The following OR10H3 variants were observed in gnomAD, a reference collection of about 807,000 sequenced individuals.
The protein encoded by OR10H3 is olfactory receptor 10H3.
OR10H3 carries 15 observed loss-of-function variants against 11.1 expected under a neutral mutation model. The observed-to-expected ratio is 1.36, with a 90% CI of 0.91 to 2.09. The LOEUF (loss-of-function observed/expected upper bound fraction) is 2.09, where lower values mean the gene tolerates loss of function less well. Among genes scored for constraint, OR10H3 ranks in the 30% most tolerant of loss-of-function variants. The pLI, the probability that OR10H3 is intolerant of heterozygous loss-of-function variation, is 0.00. For missense variants in OR10H3, 403 were observed against 391.5 expected (o/e 1.03, Z -0.25); for synonymous variants, 149 against 142.1 (o/e 1.05, Z -0.35).
In OR10H3 at chr19:15,741,822, C is replaced by T; in HGVS notation, c.430C>T (p.His144Tyr). 1 of 1,614,216 alleles carries T rather than the reference C, an allele frequency of 6.2e-7. No homozygotes were observed. Among genetic ancestry groups the T allele is most frequent in the Non-Finnish European group, 8.5e-7 (1 of 1,180,040 alleles). Residue 144 changes from histidine (H) to tyrosine (Y), a missense_variant, in exon 2 of 2, where the codon CAT becomes TAT. Coordinates refer to ENST00000641646, the MANE Select transcript of OR10H3 (RefSeq NM_013938.2). ...GCTAATGAGTCCCCGTGGCTGTGCC[C>T]ATCTTGTGGCCTGGACCTGGGCTGG... The part of the protein sequence containing the change: ...NMLMSPRGCA[H>Y]LVAWTWAGGS...
Position 15,741,417 on chromosome 19 carries a change from A to G in OR10H3, c.25A>G (p.Ile9Val), listed in dbSNP as rs1241746303. 3 of 1,613,420 alleles carry G rather than the reference A, an allele frequency of 1.9e-6. No individual in the cohort carries two copies. Among genetic ancestry groups the G allele is most frequent in the Non-Finnish European group, 2.5e-6 (3 of 1,179,496 alleles). Residue 9 changes from isoleucine (I) to valine (V), a missense_variant, in exon 2 of 2, where the codon ATA becomes GTA. Transcript: ENST00000641646. MPGQNYRT[I>V]SEFILSGFSA... ...CATGCCTGGTCAGAACTACAGAACC[A>G]TATCTGAATTTATCCTCTCTGGCTT... is the stretch of plus-strand genomic sequence containing the variant.
At chr19:15,740,983 G>C (rs1310148448) in intron 1 of OR10H3, among the ~76,000 whole-genome samples, 1 of 152,166 alleles carries the variant, frequency 6.6e-6, no homozygotes, top group Non-Finnish European at 1.5e-5. Flanking sequence ...GCAATTAAAA[G>C]ACAAAGACTC....
chr19:15,741,235 A>C (rs868310087), intron 1 of OR10H3, 147 bp from the exon 2 acceptor site: 1 of 585,920 alleles, frequency 1.7e-6, no homozygotes, highest in Non-Finnish European at 3.0e-6. Flanking sequence ...AACTATTATT[A>C]TTTACTCCAT....
In OR10H3 at chr19:15,742,132, T is replaced by G. The variant is rs1167209516; in HGVS notation, c.740T>G (p.Leu247Arg). 31 of 1,614,026 alleles carry G rather than the reference T, an allele frequency of 1.9e-5. No homozygotes were observed. The highest frequency in any genetic ancestry group is 5.0e-5 in the Admixed American group (3 of 60,000). ...HKTFSTCVSH[L>R]TVVVMHYSFA... Reference sequence around the variant, plus strand: ...ACTTTCTCCACTTGTGTATCCCACCTCACTGTGGTGGTCATGCACTATAGT... The same window carrying G: ...ACTTTCTCCACTTGTGTATCCCACCGCACTGTGGTGGTCATGCACTATAGT... The change falls in exon 2 of 2, where the codon CTC (leucine) becomes CGC (arginine). Residue 247 changes from leucine (L) to arginine (R), a missense_variant. By Grantham distance (102) the Leu-to-Arg change is moderately radical. Transcript: ENST00000641646.
rs761225294 is a variant in OR10H3 at position 15,742,034 on chromosome 19, C to A, written c.642C>A (p.Phe214Leu). 6.2e-7 allele frequency: 1 copy of A among 1,614,118 alleles called. No individual in the cohort carries two copies. The highest frequency in any genetic ancestry group is 8.5e-7 in the Non-Finnish European group (1 of 1,180,030). The change falls in exon 2 of 2, where the codon TTC becomes TTA. Residue 214 changes from phenylalanine to leucine, a missense_variant. Phe to Leu is a conservative substitution (Grantham distance 22). Transcript: ENST00000641646. ...TCACAGCCCTGATAGGCTGTTTGTT[C>A]CTCATCATCCTCTCCTTTGTCTTCA... ...VCVTALIGCLFLIILSFVFIV... is the reference protein window; with the variant it reads ...VCVTALIGCLLLIILSFVFIV...
rs763626340 is a variant in OR10H3, at chr19:15,741,663, C to T, written c.271C>T (p.Arg91Cys). Reference protein sequence around the residue: ...RMLADLLFTHRSITFVACAIQ... With the variant: ...RMLADLLFTHCSITFVACAIQ... ...GCTGGCTGATCTGCTCTTCACCCAT[C>T]GTTCCATCACCTTTGTGGCTTGTGC... Residue 91 changes from arginine (R) to cysteine (C), a missense_variant, in exon 2 of 2, where the codon CGT becomes TGT. By Grantham distance (180) the Arg-to-Cys change is radical. Transcript: ENST00000641646. The T allele has an allele frequency of 1.4e-5, 22 of 1,614,234 alleles. No homozygotes were observed. The highest frequency in any genetic ancestry group is 4.0e-5 in the African/African-American group (3 of 75,068).
At chr19:15,741,331 A>T in intron 1 of OR10H3, 51 bp from the exon 2 acceptor site, 1 of 1,205,170 alleles carries the variant, frequency 8.3e-7, no homozygotes, top group Non-Finnish European at 1.2e-6. Flanking sequence ...GGTCTGTGCT[A>T]GAGTCTAAGT....
Position 15,741,384 on chromosome 19 carries a change from A to C in OR10H3, c.-9A>C. On this transcript the variant is annotated splice_region_variant and 5_prime_UTR_variant, in exon 2 of 2. Transcript: ENST00000641646. ...AATTTTGTTTCTGATCTCACCAGAT[A>C]CAGTATCCATGCCTGGTCAGAACTA... The C allele has an allele frequency of 6.3e-7, 1 of 1,587,814 alleles. No homozygotes were observed.
chr19:15,738,898 T>G (rs2008668525), intron 1 of OR10H3, among the ~76,000 whole-genome samples: 1 of 152,102 alleles, frequency 6.6e-6, no homozygotes, highest in South Asian at 2.1e-4. Context: ...TTTATCTTAT[T>G]AATTTTTTCC....
rs1255548421 is a variant in OR10H3, at chr19:15,742,188, G to C, written c.796G>C (p.Gly266Arg). The part of the protein sequence containing the change: ...FASLIYLKPK[G>R]LHSMYSDALM... The stretch of plus-strand genomic sequence containing the variant: ...CTCCCTTATCTACCTCAAACCCAAG[G>C]GCCTCCATTCTATGTACAGTGATGC... Residue 266 changes from glycine (G) to arginine (R), a missense_variant, in exon 2 of 2, where the codon GGC (glycine) becomes CGC (arginine). By Grantham distance (125) the Gly-to-Arg change is moderately radical. Transcript: ENST00000641646. 6.2e-7 allele frequency: 1 copy of C among 1,613,902 alleles called. No individual in the cohort carries two copies. Among genetic ancestry groups the C allele is most frequent in the Admixed American group, 1.7e-5 (1 of 60,002 alleles).
At position 15,742,210 on chromosome 19, in the gene OR10H3, A is replaced by T. The variant is rs770975801; in HGVS notation, c.818A>T (p.Asp273Val). 1 of 1,614,074 alleles carries T rather than the reference A, an allele frequency of 6.2e-7. No homozygotes were observed. The highest frequency in any genetic ancestry group is 1.1e-5 in the South Asian group (1 of 91,068). The change falls in exon 2 of 2, where the codon GAT becomes GTT. Residue 273 changes from aspartate to valine, a missense_variant. Coordinates refer to ENST00000641646, the MANE Select transcript of OR10H3 (RefSeq NM_013938.2). ...KPKGLHSMYS[D>V]ALMATTYTVF... ...AAGGGCCTCCATTCTATGTACAGTG[A>T]TGCCTTGATGGCCACCACCTATACT...
chr19:15,742,285 A>T lies in OR10H3; in HGVS notation c.893A>T (p.Glu298Val), dbSNP rs768954980. The T allele has an allele frequency of 2.5e-6, 4 of 1,613,980 alleles. No individual in the cohort carries two copies. The Admixed American group carries it at 6.7e-5, about 27-fold the overall frequency. ...SPIIFSLRNK[E>V]LKNAINKNFC... ...ATCATTTTCAGTCTAAGGAACAAGGAGCTGAAGAATGCCATAAATAAAAAC... is the reference window on the plus strand; with the variant it reads ...ATCATTTTCAGTCTAAGGAACAAGGTGCTGAAGAATGCCATAAATAAAAAC... The change falls in exon 2 of 2, where the codon GAG becomes GTG. Residue 298 changes from glutamate to valine, a missense_variant. Physicochemically the swap from Glu to Val is moderately radical, Grantham distance 121. Transcript: ENST00000641646.
At chr19:15,738,509 TGAG>T (rs1464995147) in intron 1 of OR10H3, among the ~76,000 whole-genome samples, 1 of 152,124 alleles carries the variant, frequency 6.6e-6, no homozygotes, top group Non-Finnish European at 1.5e-5. Flanking sequence ...TGCATTAACT[TGAG>T]GAGATGTGTT....
chr19:15,738,195 T>G (rs1454708206), intron 1 of OR10H3, 144 bp downstream of exon 1: 1 of 152,130 alleles, frequency 6.6e-6, no homozygotes, highest in Non-Finnish European at 1.5e-5. Context: ...GTGTTTTTTT[T>G]TAAATCATAA....
chr19:15,742,152 T>A lies in OR10H3; in HGVS notation c.760T>A (p.Tyr254Asn). The A allele has an allele frequency of 1.2e-6, 2 of 1,614,204 alleles. No homozygotes were observed. The highest frequency in any genetic ancestry group is 1.7e-6 in the Non-Finnish European group (2 of 1,180,034). Residue 254 changes from tyrosine (Y) to asparagine (N), a missense_variant, in exon 2 of 2, where the codon TAT (tyrosine) becomes AAT (asparagine). Physicochemically the swap from Tyr to Asn is moderately radical, Grantham distance 143. Transcript: ENST00000641646. ...VSHLTVVVMHYSFASLIYLKP... is the reference protein window; with the variant it reads ...VSHLTVVVMHNSFASLIYLKP... ...CCACCTCACTGTGGTGGTCATGCAC[T>A]ATAGTTTTGCCTCCCTTATCTACCT...
In OR10H3 at chr19:15,741,932, T is replaced by A; in HGVS notation, c.540T>A (p.Cys180Ter). The change falls in exon 2 of 2, where the codon TGT becomes TGA. Residue 180 changes from cysteine to a stop codon, truncating the protein, a stop_gained. Transcript: ENST00000641646. LOFTEE classifies it high-confidence loss of function. Reference sequence around the variant, plus strand: ...CTAATGTGATCCACCATTTTCTCTGTCATGTGCTTTCCCTCTTGAAGTTGG... The same window carrying A: ...CTAATGTGATCCACCATTTTCTCTGACATGTGCTTTCCCTCTTGAAGTTGG... Reference protein sequence around the residue: ...CGSNVIHHFLCHVLSLLKLAC... With the variant: ...CGSNVIHHFL The A allele has an allele frequency of 6.2e-7, 1 of 1,614,200 alleles. No individual in the cohort carries two copies. The highest frequency in any genetic ancestry group is 8.5e-7 in the Non-Finnish European group (1 of 1,180,038).
chr19:15,740,499 C>T (rs923007108), intron 1 of OR10H3, among the ~76,000 whole-genome samples: 2 of 152,168 alleles, frequency 1.3e-5, no homozygotes, highest in Non-Finnish European at 2.9e-5. Context: ...AATTATCCAC[C>T]TTCTGGATTT....
chr19:15,741,737 T>C lies in OR10H3; in HGVS notation c.345T>C (p.Leu115=). Residue 115 remains leucine, a synonymous_variant, in exon 2 of 2, where the codon CTT becomes CTC. Coordinates refer to ENST00000641646, the MANE Select transcript of OR10H3 (RefSeq NM_013938.2). ...TGTTTGGCTTCACTCACTCCTTCCT[T>C]CTCATGGTCATGGGCTATGATCACT... ...SFMFGFTHSF[L]LMVMGYDHYV... is the part of the protein sequence containing the mutation. The C allele has an allele frequency of 6.2e-7, 1 of 1,614,150 alleles. No individual in the cohort carries two copies.
intron 1 of OR10H3, among the ~76,000 whole-genome samples, chr19:15,738,815 T>A (rs2008667562): frequency 6.6e-6 from 1 of 152,106 alleles, no homozygotes; most frequent in Admixed American, 6.5e-5. Flanking sequence ...TTTATTAATT[T>A]AAAAATATCA....
Sources: allele counts gnomAD v4.1 joint callset (sites outside exome capture counted in the v4.1 genomes callset), GRCh38; gene constraint gnomAD v4.1.1; transcripts MANE v1.5; gene names NCBI Gene and HGNC (gene_info 2026-07-23, HGNC 2026-07-21).